Variants in ADAM22 observed in about 807,000 individuals in gnomAD.
ADAM22 encodes the protein ADAM metallopeptidase domain 22.
ADAM22 carries 65 observed loss-of-function variants against 144.6 expected under a neutral mutation model. The ratio of observed to expected loss-of-function variants is 0.45; its 90% confidence interval spans 0.37 to 0.55. ADAM22 has a LOEUF of 0.55. Among genes scored for constraint, ADAM22 ranks in the 20% least tolerant of loss-of-function variants. The pLI is 0.00. For synonymous variants in ADAM22, 391 were observed against 412.6 expected (o/e 0.95, Z 0.63); for missense variants, 974 against 1,184.9 (o/e 0.82, Z 2.61).
intron 3 of ADAM22, among the ~76,000 whole-genome samples, chr7:88,049,304 C>T (rs1805541251): frequency 6.6e-6 from 1 of 152,154 alleles, no homozygotes; most frequent in Non-Finnish European, 1.5e-5. Flanking sequence ...AATAACTTGT[C>T]CAGAGTCTAA....
intron 27 of ADAM22, among the ~76,000 whole-genome samples, chr7:88,180,519 C>CT (rs1846739750): frequency 6.6e-6 from 1 of 151,788 alleles, no homozygotes; most frequent in African/African-American, 2.4e-5. Flanking sequence ...CAGTAGAAGG[C>CT]TTTTTTTGAA....
At chr7:88,027,930 A>G (rs1364422090) in intron 3 of ADAM22, among the ~76,000 whole-genome samples, 1 of 151,924 alleles carries the variant, frequency 6.6e-6, no homozygotes, top group Non-Finnish European at 1.5e-5. Context: ...AGCTGGGGTT[A>G]CAGGCATGTG....
At chr7:87,942,291 T>C (rs1330171395) in intron 2 of ADAM22, among the ~76,000 whole-genome samples, 1 of 152,246 alleles carries the variant, frequency 6.6e-6, no homozygotes, top group Non-Finnish European at 1.5e-5. Context: ...CTACCTTTTA[T>C]GTGCCAAATG....
intron 2 of ADAM22, among the ~76,000 whole-genome samples, chr7:87,963,199 G>A (rs207468199): frequency 1.3e-5 from 2 of 152,046 alleles, no homozygotes; most frequent in Non-Finnish European, 2.9e-5. Flanking sequence ...GGAAGGCCAG[G>A]GAAGGACAAA....
intron 3 of ADAM22, among the ~76,000 whole-genome samples, chr7:88,021,319 G>T (rs1797779811): frequency 6.6e-6 from 1 of 152,120 alleles, no homozygotes; most frequent in African/African-American, 2.4e-5. Context: ...ATCCACTCTT[G>T]TTATTTTGTA....
chr7:88,081,259 A>T (rs1816524700), intron 4 of ADAM22, among the ~76,000 whole-genome samples: 1 of 152,212 alleles, frequency 6.6e-6, no homozygotes, highest in African/African-American at 2.4e-5. Context: ...ATCTCAATAG[A>T]TGCAGAAAAG....
At chr7:88,090,137 A>G (rs1819477794) in intron 4 of ADAM22, 1 of 152,176 alleles carries the variant, frequency 6.6e-6, no homozygotes, top group African/African-American at 2.4e-5. Flanking sequence ...TGTTTGGCAG[A>G]TGTGACTACC....
At chr7:88,069,589 T>C (rs1415269132) in intron 3 of ADAM22, among the ~76,000 whole-genome samples, 1 of 152,178 alleles carries the variant, frequency 6.6e-6, no homozygotes, top group Non-Finnish European at 1.5e-5. Flanking sequence ...TTTGTATTTA[T>C]CACATATGCA....
chr7:87,984,205 A>G (rs1476340461), intron 3 of ADAM22, among the ~76,000 whole-genome samples: 8 of 152,176 alleles, frequency 5.3e-5, no homozygotes, highest in Non-Finnish European at 4.4e-5. Context: ...TTCTGAGATT[A>G]GTCTCTAGCT....
At chr7:87,982,701 T>TATATATATATATATATATATGTATAA (rs1554373733) in intron 3 of ADAM22, among the ~76,000 whole-genome samples, 1 of 33,800 alleles carries the variant, frequency 3.0e-5, no homozygotes, top group African/African-American at 1.3e-4. Context: ...ATATATATAA[T>TATATATATATATATATATATGTATAA]TTTTTTTTTT....
chr7:87,979,776 C>T (rs1330804926), intron 3 of ADAM22, among the ~76,000 whole-genome samples: 1 of 151,996 alleles, frequency 6.6e-6, no homozygotes, highest in African/African-American at 2.4e-5. Context: ...GGTAAGATGA[C>T]TAGGAGAGGA....
intron 22 of ADAM22, among the ~76,000 whole-genome samples, chr7:88,159,395 AT>A (rs1387617312): frequency 6.6e-6 from 1 of 152,144 alleles, no homozygotes; most frequent in African/African-American, 2.4e-5. Context: ...ACTCCTCCCT[AT>A]TTCATTCTAT....
At chr7:88,181,377 A>G in intron 27 of ADAM22, 128 bp from the exon 28 acceptor site, 1 of 714,268 alleles carries the variant, frequency 1.4e-6, no homozygotes, top group South Asian at 2.0e-5. Flanking sequence ...TCATTCTTTC[A>G]TTTCAGATTT....
intron 4 of ADAM22, 128 bp downstream of exon 4, chr7:88,075,820 G>C: frequency 1.3e-6 from 1 of 778,790 alleles, no homozygotes; most frequent in South Asian, 1.9e-5. Flanking sequence ...TTTATAATTT[G>C]AAGTTTTATC....
chr7:88,153,512 A>G (rs559094907), intron 21 of ADAM22, among the ~76,000 whole-genome samples, 186 bp downstream of exon 21: 2 of 152,114 alleles, frequency 1.3e-5, no homozygotes. Flanking sequence ...ATGTGTGCTC[A>G]CCTCTCTCCT....
intron 26 of ADAM22, among the ~76,000 whole-genome samples, chr7:88,178,135 G>T (rs909220102): frequency 6.6e-6 from 1 of 152,106 alleles, no homozygotes; most frequent in African/African-American, 2.4e-5. Flanking sequence ...TTGAAAATCA[G>T]ATGACTTGGG....
intron 5 of ADAM22, among the ~76,000 whole-genome samples, chr7:88,111,896 G>A (rs2129488417): frequency 6.6e-6 from 1 of 152,148 alleles, no homozygotes; most frequent in African/African-American, 2.4e-5. Flanking sequence ...TCTTCATATT[G>A]CCTACATGAT....
intron 3 of ADAM22, among the ~76,000 whole-genome samples, chr7:87,989,674 G>T (rs1454937855): frequency 6.6e-6 from 1 of 152,204 alleles, no homozygotes; most frequent in African/African-American, 2.4e-5. Context: ...CCAGCACTTT[G>T]GGAGGCCAAA....
intron 3 of ADAM22, among the ~76,000 whole-genome samples, chr7:88,063,583 TAAG>T (rs1484646183): frequency 6.6e-6 from 1 of 152,146 alleles, no homozygotes; most frequent in African/African-American, 2.4e-5. Context: ...TTTCATAACT[TAAG>T]GACAGGAATT....
Sources: allele counts gnomAD v4.1 joint callset (sites outside exome capture counted in the v4.1 genomes callset), GRCh38; gene constraint gnomAD v4.1.1; transcripts MANE v1.5; gene names NCBI Gene and HGNC (gene_info 2026-07-23, HGNC 2026-07-21).